PKNOX2: variants seen among roughly 807,000 people sequenced by gnomAD.
The protein encoded by PKNOX2 is PBX/knotted 1 homeobox 2.
A neutral mutation model predicts 53.1 loss-of-function variants in PKNOX2; 14 were observed. The observed-to-expected ratio is 0.26, with a 90% CI of 0.17 to 0.41. The LOEUF (loss-of-function observed/expected upper bound fraction) is 0.41. Ranked by LOEUF, PKNOX2 falls within the 10% of genes least tolerant of loss-of-function variation. PKNOX2 has a pLI of 1.00. For missense variants in PKNOX2, 496 were observed against 602.8 expected (o/e 0.82, Z 1.85); for synonymous variants, 257 against 242.8 (o/e 1.06, Z -0.54).
intron 2 of PKNOX2, among the ~76,000 whole-genome samples, chr11:125,295,293 G>A (rs1454345735): frequency 6.6e-6 from 1 of 152,222 alleles, no homozygotes; most frequent in Non-Finnish European, 1.5e-5. Flanking sequence ...AACATGAGAT[G>A]ACAGCTGGAC....
chr11:125,373,176 AC>A (rs1198214483), intron 5 of PKNOX2, among the ~76,000 whole-genome samples: 2 of 152,240 alleles, frequency 1.3e-5, no homozygotes, highest in African/African-American at 4.8e-5. Flanking sequence ...TGGCTTTGTC[AC>A]CATCGGCTAG....
chr11:125,356,803 C>T (rs1358725867), intron 4 of PKNOX2, among the ~76,000 whole-genome samples: 1 of 152,212 alleles, frequency 6.6e-6, no homozygotes, highest in Non-Finnish European at 1.5e-5. Flanking sequence ...GATCCCCATG[C>T]TGGTTTAATT....
rs144344416 is a variant in PKNOX2, at chr11:125,402,324, T to C, written c.588+4262T>C. On this transcript the variant is annotated intron_variant, in intron 7 of 12. Coordinates refer to ENST00000298282, the MANE Select transcript of PKNOX2 (RefSeq NM_001382323.2). ...CTTCTTGTGGGGGCAGGATCCTCTGTAAGGAGACTGGTTCTAGACCCTACT... is the reference window on the plus strand; with the variant it reads ...CTTCTTGTGGGGGCAGGATCCTCTGCAAGGAGACTGGTTCTAGACCCTACT... Among the ~76,000 whole-genome samples the C allele has an allele frequency of 8.0e-3, 1,219 of 152,256 alleles. 15 individuals carry two copies. Among genetic ancestry groups the C allele is most frequent in the Non-Finnish European group, 0.014 (929 of 68,002 alleles).
At chr11:125,234,976 T>A (rs116906306) in intron 1 of PKNOX2, 69 bp from the exon 2 acceptor site, 1 of 152,806 alleles carries the variant, frequency 6.5e-6, no homozygotes, top group East Asian at 1.9e-4. Context: ...GTTTACCCCC[T>A]TCCCCATCCT....
chr11:125,235,686 T>A (rs1942617273), intron 2 of PKNOX2, among the ~76,000 whole-genome samples: 1 of 152,222 alleles, frequency 6.6e-6, no homozygotes, highest in Non-Finnish European at 1.5e-5. Context: ...CCGGCCTAAG[T>A]CCAGCCTCCT....
At chr11:125,302,119 G>T (rs931853604) in intron 2 of PKNOX2, among the ~76,000 whole-genome samples, 1 of 152,212 alleles carries the variant, frequency 6.6e-6, no homozygotes, top group African/African-American at 2.4e-5. Flanking sequence ...GCCTGGAGGA[G>T]GTCCAGAGAG....
At chr11:125,258,603 T>C (rs898061484) in intron 2 of PKNOX2, 1 of 158,788 alleles carries the variant, frequency 6.3e-6, no homozygotes, top group Admixed American at 6.4e-5. Flanking sequence ...GCAGTTTTAA[T>C]GAGCATTATA....
intron 2 of PKNOX2, among the ~76,000 whole-genome samples, chr11:125,256,467 T>G (rs1044086584): frequency 1.3e-5 from 2 of 151,064 alleles, no homozygotes; most frequent in Non-Finnish European, 3.0e-5. Flanking sequence ...AGAAGGGAGG[T>G]TTTCCTGACC....
At chr11:125,300,669 G>C (rs1947992628) in intron 2 of PKNOX2, among the ~76,000 whole-genome samples, 1 of 152,134 alleles carries the variant, frequency 6.6e-6, no homozygotes, top group African/African-American at 2.4e-5. Flanking sequence ...GACAGAGAGA[G>C]AGTCGGGTGC....
At chr11:125,199,068 T>C (rs943816281) in intron 1 of PKNOX2, among the ~76,000 whole-genome samples, 1 of 152,136 alleles carries the variant, frequency 6.6e-6, no homozygotes, top group Admixed American at 6.5e-5. Context: ...CTCAAACTCC[T>C]AGCCTCAAGT....
chr11:125,396,433 T>C (rs573327564), intron 6 of PKNOX2, among the ~76,000 whole-genome samples: 1 of 152,350 alleles, frequency 6.6e-6, no homozygotes, highest in East Asian at 1.9e-4. Flanking sequence ...TTTTTTTGCA[T>C]GTGGATGTCT....
intron 5 of PKNOX2, among the ~76,000 whole-genome samples, chr11:125,379,792 G>A (rs1219051441): frequency 6.6e-6 from 1 of 152,192 alleles, no homozygotes; most frequent in Admixed American, 6.5e-5. Flanking sequence ...TAAAAAACAC[G>A]AAGGCAGAAA....
chr11:125,253,934 G>A (rs1374678871), intron 2 of PKNOX2, among the ~76,000 whole-genome samples: 5 of 152,072 alleles, frequency 3.3e-5, no homozygotes, highest in Admixed American at 3.3e-4. Flanking sequence ...TGCACTCTGG[G>A]GAAATGTGGG....
chr11:125,324,366 C>T (rs1200789456), intron 2 of PKNOX2, among the ~76,000 whole-genome samples: 4 of 152,180 alleles, frequency 2.6e-5, no homozygotes, highest in African/African-American at 7.2e-5. Context: ...TAAAGGAGAT[C>T]AGCATGTGGT....
intron 6 of PKNOX2, among the ~76,000 whole-genome samples, chr11:125,397,165 C>A (rs900958190): frequency 6.6e-6 from 1 of 152,176 alleles, no homozygotes; most frequent in South Asian, 2.1e-4. Flanking sequence ...GGCTCCCGTA[C>A]AGCAATCCAA....
chr11:125,429,676 C>T (rs1956600135), intron 11 of PKNOX2, among the ~76,000 whole-genome samples: 1 of 152,180 alleles, frequency 6.6e-6, no homozygotes, highest in African/African-American at 2.4e-5. Context: ...GAGGTTAGTG[C>T]CTATGACTAC....
chr11:125,255,961 A>G (rs556802561), intron 2 of PKNOX2, among the ~76,000 whole-genome samples: 84 of 151,694 alleles, frequency 5.5e-4, no homozygotes, highest in African/African-American at 1.9e-3. Context: ...GGGCTCCATG[A>G]CCTCCCTTCA....
chr11:125,356,662 C>T (rs1014392515), intron 4 of PKNOX2, among the ~76,000 whole-genome samples: 3 of 152,374 alleles, frequency 2.0e-5, no homozygotes, highest in East Asian at 1.9e-4. Flanking sequence ...GGGCCAGCCA[C>T]ACTGAGGAAG....
intron 2 of PKNOX2, among the ~76,000 whole-genome samples, chr11:125,250,224 T>C (rs1270132848): frequency 6.6e-6 from 1 of 152,076 alleles, no homozygotes; most frequent in Non-Finnish European, 1.5e-5. Context: ...CTTGGGGTGA[T>C]AAATTTGAGG....
Sources: gnomAD v4.1 joint callset for allele counts (sites outside exome capture counted in the v4.1 genomes callset) on GRCh38, gnomAD v4.1.1 for gene constraint, MANE v1.5 for transcripts, NCBI Gene and HGNC (gene_info 2026-07-23, HGNC 2026-07-21) for gene names.